Variants in NDUFA9 observed in about 807,000 individuals in gnomAD.
The protein encoded by NDUFA9 is NADH:ubiquinone oxidoreductase subunit A9.
In NDUFA9, 23 loss-of-function variants were observed where a neutral mutation model predicts 45.9. The ratio of observed to expected loss-of-function variants is 0.50; its 90% confidence interval spans 0.36 to 0.71. The LOEUF is 0.71. Ranked by LOEUF, NDUFA9 falls within the 30% of genes least tolerant of loss-of-function variation. NDUFA9 has a pLI of 0.00. For missense variants in NDUFA9, 466 were observed against 488.2 expected, an observed-to-expected ratio of 0.95 and a Z score of 0.43; for synonymous variants, 176 against 170.5, an observed-to-expected ratio of 1.03 and a Z score of -0.25.
At chr12:4,668,960 C>A (rs572407874) in intron 7 of NDUFA9, among the ~76,000 whole-genome samples, 1 of 152,226 alleles carries the variant, frequency 6.6e-6, no homozygotes, top group South Asian at 2.1e-4. Context: ...TAGGGTAAAA[C>A]CTTAAAGATG....
chr12:4,684,492 G>A (rs1945972180), intron 9 of NDUFA9, among the ~76,000 whole-genome samples: 1 of 147,868 alleles, frequency 6.8e-6, no homozygotes, highest in African/African-American at 2.5e-5. Flanking sequence ...CACTGCTACT[G>A]GGCACAGTGG....
chr12:4,653,105 A>ATTTT, intron 1 of NDUFA9, among the ~76,000 whole-genome samples: 1 of 152,264 alleles, frequency 6.6e-6, no homozygotes, highest in Admixed American at 6.5e-5. Context: ...ACTTACATGA[A>ATTTT]AGTTGAGCAG....
In NDUFA9 at chr12:4,689,752, C is replaced by T. The variant is rs1946008767; in HGVS notation, c.*2644C>T. ...TTTCTCTATCTTTTCCCCACATTTC[C>T]CCCTTTTCTATTCCGCAAAACCACC... On this transcript the variant is annotated 3_prime_UTR_variant, in exon 11 of 11. Transcript: ENST00000266544. The T allele has an allele frequency of 5.6e-6, 1 of 178,420 alleles. No homozygotes were observed. Among genetic ancestry groups the T allele is most frequent in the African/African-American group, 2.4e-5 (1 of 41,814 alleles). The allele number at this position is 178,420 out of a possible 1,614,324, so 11.1% of individuals were successfully genotyped here. A position where few individuals can be genotyped will look rare whatever the true frequency, so the allele number is the denominator to read the frequency against.
In NDUFA9 at chr12:4,651,879, A is replaced by C. The variant is rs773204521; in HGVS notation, c.50-2413A>C. ...TTTGCTGCCTGCCACTGAGCAATGG[A>C]GAACGGGGCTAGGGAAAACTTCAGA... On this transcript the variant is annotated intron_variant, in intron 1 of 10. Transcript: ENST00000266544. 2.0e-4 allele frequency among the ~76,000 whole-genome samples: 30 copies of C among 152,234 alleles called. 1 individual carries two copies. Among genetic ancestry groups the C allele is most frequent in the Non-Finnish European group, 3.7e-4 (25 of 68,046 alleles).
At chr12:4,663,873 T>G (rs1945837987) in intron 6 of NDUFA9, among the ~76,000 whole-genome samples, 1 of 152,118 alleles carries the variant, frequency 6.6e-6, no homozygotes, top group South Asian at 2.1e-4. Context: ...TTAAGGGTGA[T>G]TTTTGTAAGG....
chr12:4,681,111 C>T (rs1325502884), intron 8 of NDUFA9, among the ~76,000 whole-genome samples: 1 of 151,474 alleles, frequency 6.6e-6, no homozygotes, highest in Non-Finnish European at 1.5e-5. Flanking sequence ...ATATAATGTA[C>T]AAAAATACGT....
chr12:4,687,087 G>A lies in NDUFA9; in HGVS notation c.1113G>A (p.Pro371=), dbSNP rs746167378. ...WLSAEIEDVK[P]AKTVNI ...CTGCTGAAATTGAGGATGTGAAGCC[G>A]GCCAAGACCGTCAACATTTAGTGCC... Residue 371 remains proline, a synonymous_variant, in exon 11 of 11, where the codon CCG becomes CCA. Coordinates refer to ENST00000266544, the MANE Select transcript of NDUFA9 (RefSeq NM_005002.5). 1.1e-5 allele frequency: 18 copies of A among 1,613,990 alleles called. No individual in the cohort carries two copies. Among genetic ancestry groups the A allele is most frequent in the African/African-American group, 6.7e-5 (5 of 74,904 alleles).
At chr12:4,682,377 G>T in intron 9 of NDUFA9, 77 bp downstream of exon 9, 1 of 1,023,358 alleles carries the variant, frequency 9.8e-7, no homozygotes, top group South Asian at 1.7e-5. Flanking sequence ...CTCCCTTAGG[G>T]TTATAGGGTG....
In NDUFA9 at chr12:4,657,859, T is replaced by C; in HGVS notation, c.410+20T>C. 1 of 1,578,750 alleles carries C rather than the reference T, an allele frequency of 6.3e-7. No individual in the cohort carries two copies. Among genetic ancestry groups the C allele is most frequent in the Middle Eastern group, 1.7e-4 (1 of 5,996 alleles). ...AACCAAGTAAGTCTTTGACTCTTGTTTCTTCTTTGCTTAAGTCTTTCTTAG... is the reference window on the plus strand; with the variant it reads ...AACCAAGTAAGTCTTTGACTCTTGTCTCTTCTTTGCTTAAGTCTTTCTTAG... On this transcript the variant is annotated intron_variant, in intron 4 of 10. Coordinates refer to ENST00000266544, the MANE Select transcript of NDUFA9 (RefSeq NM_005002.5).
At chr12:4,649,457 C>G (rs535623552) in intron 1 of NDUFA9, among the ~76,000 whole-genome samples, 1 of 151,308 alleles carries the variant, frequency 6.6e-6, no homozygotes, top group African/African-American at 2.4e-5. Context: ...AATCAGAATT[C>G]TGATATGGTT....
chr12:4,649,323 C>T lies in NDUFA9; in HGVS notation c.49+148C>T, dbSNP rs959262874. 9 of 897,896 alleles carry T rather than the reference C, an allele frequency of 1.0e-5. 1 individual carries two copies. The highest frequency in any genetic ancestry group is 3.4e-4 in the Middle Eastern group (1 of 2,914). 55.6% of individuals were successfully genotyped at this position (897,896 alleles called of 1,614,324 possible). A position where few individuals can be genotyped will look rare whatever the true frequency, so the allele number is the denominator to read the frequency against. ...GTTTGGAGCTGCCTCAGTCTGGTTT[C>T]TCCTTTCGCTTTCCGCTTCCCCGGC... On this transcript the variant is annotated intron_variant, in intron 1 of 10. Transcript: ENST00000266544.
chr12:4,694,087 TC>T lies in NDUFA9; in HGVS notation c.*6980del, dbSNP rs1285625886. 1 of 152,238 alleles carries T rather than the reference TC, an allele frequency of 6.6e-6. No homozygotes were observed. The highest frequency in any genetic ancestry group is 1.9e-4 in the East Asian group (1 of 5,206). The allele number at this position is 152,238 out of a possible 1,614,324, so 9.4% of individuals were successfully genotyped here. ...TCCTTCCTGGCTGTTTGATTTTGAT[TC>T]TATGGGAGCTATCTTGCAACTCTGT... On this transcript the variant is annotated 3_prime_UTR_variant, in exon 11 of 11. Coordinates refer to ENST00000266544, the MANE Select transcript of NDUFA9 (RefSeq NM_005002.5).
rs1156399761 is a variant in NDUFA9, at chr12:4,690,533, T to C, written c.*3425T>C. 6.6e-6 allele frequency: 1 copy of C among 152,018 alleles called. No individual in the cohort carries two copies. The highest frequency in any genetic ancestry group is 2.4e-5 in the African/African-American group (1 of 41,354). 9.4% of individuals were successfully genotyped at this position (152,018 alleles called of 1,614,324 possible). On this transcript the variant is annotated 3_prime_UTR_variant, in exon 11 of 11. Coordinates refer to ENST00000266544, the MANE Select transcript of NDUFA9 (RefSeq NM_005002.5). ...GCCTGGCCAATATGGTGAAACCCCG[T>C]CTCTACTAAAAAATACAAAAAATCA...
chr12:4,664,235 C>G (rs1403181792), intron 6 of NDUFA9, among the ~76,000 whole-genome samples: 1 of 152,108 alleles, frequency 6.6e-6, no homozygotes, highest in African/African-American at 2.4e-5. Flanking sequence ...TGTGGCTGAA[C>G]AACCATTTGA....
chr12:4,654,042 A>G lies in NDUFA9; in HGVS notation c.50-250A>G, dbSNP rs75606091. The stretch of plus-strand genomic sequence containing the variant: ...CTTTCCTACTTTGTGACTGTTTAAT[A>G]TGTTTTTTAAAAAATGTGACTTATC... On this transcript the variant is annotated intron_variant, in intron 1 of 10. Transcript: ENST00000266544. Among the ~76,000 whole-genome samples the G allele has an allele frequency of 3.5e-3, 531 of 152,152 alleles. 2 individuals carry two copies. Among genetic ancestry groups the G allele is most frequent in the African/African-American group, 0.012 (510 of 41,482 alleles).
chr12:4,672,345 T>TC (rs1024431590), intron 8 of NDUFA9, among the ~76,000 whole-genome samples: 1 of 152,122 alleles, frequency 6.6e-6, no homozygotes, highest in African/African-American at 2.4e-5. Context: ...GAGTTTTTTT[T>TC]CCATATCCCA....
intron 3 of NDUFA9, among the ~76,000 whole-genome samples, chr12:4,656,160 T>C (rs1945789372): frequency 1.3e-5 from 2 of 152,248 alleles, no homozygotes; most frequent in Admixed American, 1.3e-4. Flanking sequence ...TTTCACATTT[T>C]CATTTATTCT....
At chr12:4,685,052 G>A (rs1353681622) in intron 9 of NDUFA9, 5 of 687,918 alleles carry the variant, frequency 7.3e-6, no homozygotes, top group Non-Finnish European at 1.3e-5. Context: ...TGTACCAGCA[G>A]TTACAGCAGC....
rs1048960940 is a variant in NDUFA9, at chr12:4,691,965, AGTGC to A, written c.*4858_*4861del. ...CATCCCACAGCAAGTGGGAGAAAGG[AGTGC>A]TATCTCCTTTTGAGGTTACATTTCA... On this transcript the variant is annotated 3_prime_UTR_variant, in exon 11 of 11. Coordinates refer to ENST00000266544, the MANE Select transcript of NDUFA9 (RefSeq NM_005002.5). 1 of 152,176 alleles carries A rather than the reference AGTGC, an allele frequency of 6.6e-6. No homozygotes were observed. Among genetic ancestry groups the A allele is most frequent in the African/African-American group, 2.4e-5 (1 of 41,416 alleles). The allele number at this position is 152,176 out of a possible 1,614,324, so 9.4% of individuals were successfully genotyped here. A position where few individuals can be genotyped will look rare whatever the true frequency, so the allele number is the denominator to read the frequency against.
Sources: gnomAD v4.1 joint callset for allele counts (sites outside exome capture counted in the v4.1 genomes callset) on GRCh38, gnomAD v4.1.1 for gene constraint, MANE v1.5 for transcripts, NCBI Gene and HGNC (gene_info 2026-07-23, HGNC 2026-07-21) for gene names.